Variants in MB observed in about 807,000 individuals in gnomAD.
The protein encoded by MB is nitrite reductase MB.
MB carries 10 observed loss-of-function variants against 14.5 expected under a neutral mutation model. The observed-to-expected ratio is 0.69, with a 90% CI of 0.43 to 1.17. MB has a LOEUF of 1.17. MB is among the 50% of genes most tolerant of loss of function. The probability of loss-of-function intolerance (pLI) is 0.00; values close to 1 mark genes in which losing one functional copy is unlikely to be tolerated. For missense variants in MB, 169 were observed against 192.7 expected, an observed-to-expected ratio of 0.88 and a Z score of 0.73; for synonymous variants, 89 against 78.6, an observed-to-expected ratio of 1.13 and a Z score of -0.70.
At chr22:35,613,958 G>A (rs1266641168) in intron 1 of MB, among the ~76,000 whole-genome samples, 1 of 152,220 alleles carries the variant, frequency 6.6e-6, no homozygotes, top group Admixed American at 6.5e-5. Flanking sequence ...TGCCTGATCC[G>A]GAAAATGAAC....
At chr22:35,609,691 A>C (rs1377167147) in intron 2 of MB, among the ~76,000 whole-genome samples, 1 of 152,150 alleles carries the variant, frequency 6.6e-6, no homozygotes, top group African/African-American at 2.4e-5. Flanking sequence ...CAAAATGGGG[A>C]TGAGAAGGGT....
chr22:35,620,141 C>T (rs761992342), upstream of MB, among the ~76,000 whole-genome samples: 2 of 152,204 alleles, frequency 1.3e-5, no homozygotes, highest in Non-Finnish European at 2.9e-5. Flanking sequence ...CGAGACTATC[C>T]TGGCTAACAT....
chr22:35,613,383 C>T (rs1181793019), intron 1 of MB, among the ~76,000 whole-genome samples: 3 of 152,202 alleles, frequency 2.0e-5, no homozygotes, highest in Non-Finnish European at 4.4e-5. Context: ...ATGTTGAAGT[C>T]ACTTAGCCTC....
chr22:35,616,965 C>T, intron 1 of MB, 198 bp downstream of exon 1: 1 of 561,000 alleles, frequency 1.8e-6, no homozygotes, highest in Middle Eastern at 2.9e-4. Context: ...CTGCTGACAT[C>T]AGCCTGAAAT....
upstream of MB, among the ~76,000 whole-genome samples, chr22:35,621,771 G>A (rs1009268183): frequency 6.6e-6 from 1 of 152,188 alleles, no homozygotes; most frequent in Admixed American, 6.5e-5. Flanking sequence ...GAAGGAGCAG[G>A]CTCACCCAAG....
At chr22:35,620,933 C>T (rs1228077119), upstream of MB, among the ~76,000 whole-genome samples, 1 of 152,228 alleles carries the variant, frequency 6.6e-6, no homozygotes, top group African/African-American at 2.4e-5. Context: ...CTGGCATGCT[C>T]ATGGAAACCT....
At position 35,610,961 on chromosome 22, in the gene MB, CCTT is replaced by C. The variant is rs775322083; in HGVS notation, c.238_240del (p.Lys80del). The C allele has an allele frequency of 1.9e-6, 3 of 1,614,192 alleles. No homozygotes were observed. Among genetic ancestry groups the C allele is most frequent in the East Asian group, 4.5e-5 (2 of 44,882 alleles). Reference sequence around the variant, plus strand: ...GGCTTAATCTCTGCCTCATGATGCCCCTTCTTCTTAAGGATGCCACCCAGGGCG... The same window carrying C: ...GGCTTAATCTCTGCCTCATGATGCCCCTTCTTAAGGATGCCACCCAGGGCG... On this transcript the variant is annotated inframe_deletion, in exon 2 of 3. Transcript: ENST00000397326.
chr22:35,613,053 C>T (rs1418100259), intron 1 of MB, among the ~76,000 whole-genome samples: 2 of 152,224 alleles, frequency 1.3e-5, no homozygotes, highest in Non-Finnish European at 2.9e-5. Context: ...AATCCTCGTG[C>T]GTCACTGACG....
intron 1 of MB, chr22:35,615,581 CCTGA>C (rs1255993613): frequency 3.9e-5 from 6 of 152,334 alleles, no homozygotes; most frequent in African/African-American, 1.4e-4. Context: ...TACCTCCACG[CCTGA>C]CTGTCCTGCC....
chr22:35,612,819 C>T (rs147306196), intron 1 of MB, among the ~76,000 whole-genome samples: 118 of 152,338 alleles, frequency 7.7e-4, no homozygotes, highest in African/African-American at 2.4e-3. Flanking sequence ...ACACCTCACA[C>T]GTGTACATGC....
intron 1 of MB, among the ~76,000 whole-genome samples, chr22:35,612,461 T>C (rs1922705762): frequency 6.6e-6 from 1 of 152,174 alleles, no homozygotes; most frequent in South Asian, 2.1e-4. Flanking sequence ...TGGAGTGCAG[T>C]GGTGCAATCT....
At chr22:35,619,642 C>T (rs1212432557), upstream of MB, among the ~76,000 whole-genome samples, 3 of 152,238 alleles carry the variant, frequency 2.0e-5, no homozygotes, top group Non-Finnish European at 4.4e-5. Context: ...CAGATCCCAG[C>T]TTCAGAATGT....
chr22:35,610,375 T>A (rs1224448045), intron 2 of MB, among the ~76,000 whole-genome samples: 1 of 152,116 alleles, frequency 6.6e-6, no homozygotes, highest in Non-Finnish European at 1.5e-5. Context: ...CACCCCAAAT[T>A]GAGCCCCACT....
intron 1 of MB, 31 bp from the exon 2 acceptor site, chr22:35,611,137 TGG>T (rs762630321): frequency 1.3e-6 from 2 of 1,550,554 alleles, no homozygotes; most frequent in Admixed American, 1.7e-5. Flanking sequence ...GGAGTCGGCA[TGG>T]GAGGTGCGGT....
At chr22:35,618,451 C>T (rs1923241935), upstream of MB, among the ~76,000 whole-genome samples, 4 of 152,308 alleles carry the variant, frequency 2.6e-5, no homozygotes, top group South Asian at 8.3e-4. Context: ...CTCCTTCAAT[C>T]CATTCAGGTA....
intron 2 of MB, among the ~76,000 whole-genome samples, chr22:35,609,996 G>A (rs1226198404): frequency 6.6e-6 from 1 of 152,128 alleles, no homozygotes; most frequent in Non-Finnish European, 1.5e-5. Context: ...TGGCCATGAG[G>A]CAACTTTGAG....
chr22:35,617,115 T>G, intron 1 of MB, 48 bp downstream of exon 1: 7 of 1,442,794 alleles, frequency 4.9e-6, no homozygotes, highest in Non-Finnish European at 6.8e-6. Context: ...TGAACACCCT[T>G]GATCTTAGGG....
At chr22:35,618,979 C>T (rs377260785), upstream of MB, among the ~76,000 whole-genome samples, 5 of 150,824 alleles carry the variant, frequency 3.3e-5, no homozygotes, top group African/African-American at 9.7e-5. Context: ...CACTCATTAT[C>T]CCTCCATTCA....
chr22:35,614,907 C>T (rs1191868539), intron 1 of MB, among the ~76,000 whole-genome samples: 2 of 152,088 alleles, frequency 1.3e-5, no homozygotes, highest in Non-Finnish European at 2.9e-5. Flanking sequence ...CTTTGTTCCC[C>T]CCGCTCCCCA....
Sources: allele counts gnomAD v4.1 joint callset (sites outside exome capture counted in the v4.1 genomes callset), GRCh38; gene constraint gnomAD v4.1.1; transcripts MANE v1.5; gene names NCBI Gene and HGNC (gene_info 2026-07-23, HGNC 2026-07-21).